The following ADGRB1 variants were observed in gnomAD, a reference collection of about 807,000 sequenced individuals.
The protein encoded by ADGRB1 is brain-specific angiogenesis inhibitor 1.
In ADGRB1, 36 loss-of-function variants were observed where a neutral mutation model predicts 175.7. That is an observed-to-expected ratio of 0.20 (90% CI 0.16 to 0.27). The LOEUF (loss-of-function observed/expected upper bound fraction) is 0.27. Among genes scored for constraint, ADGRB1 ranks in the 10% least tolerant of loss-of-function variants. The pLI is 1.00. For synonymous variants in ADGRB1, 1,054 were observed against 979.4 expected, an observed-to-expected ratio of 1.08 and a Z score of -1.42; for missense variants, 1,731 against 2,255.3, an observed-to-expected ratio of 0.77 and a Z score of 4.71.
chr8:142,520,430 T>TGTGATAATGGTGATGGTG (rs1563735942), intron 19 of ADGRB1, among the ~76,000 whole-genome samples: 4 of 17,144 alleles, frequency 2.3e-4, no homozygotes, highest in African/African-American at 7.9e-4. Context: ...GTAATGATTG[T>TGTGATAATGGTGATGGTG]ATGATGATGG....
intron 17 of ADGRB1, among the ~76,000 whole-genome samples, chr8:142,505,029 C>T (rs1563721430): frequency 8.6e-6 from 1 of 116,456 alleles, no homozygotes; most frequent in Non-Finnish European, 1.6e-5. Flanking sequence ...CGGCAGGAGG[C>T]ATCGTGAATG....
intron 4 of ADGRB1, 94 bp downstream of exon 4, chr8:142,476,789 A>G (rs1587290139): frequency 2.4e-6 from 3 of 1,230,768 alleles, no homozygotes; most frequent in Non-Finnish European, 3.4e-6. Flanking sequence ...AACTTGAATA[A>G]CATGCCATAA....
At chr8:142,490,384 A>C (rs532416427) in intron 16 of ADGRB1, among the ~76,000 whole-genome samples, 36 of 152,312 alleles carry the variant, frequency 2.4e-4, no homozygotes, top group African/African-American at 6.7e-4. Flanking sequence ...ACGTCAGAGC[A>C]GTGCAGGGTG....
rs1841882761 is a variant in ADGRB1, at chr8:142,489,503, C to T, written c.2631+65C>T. On this transcript the variant is annotated intron_variant, in intron 16 of 30. Coordinates refer to ENST00000517894, the MANE Select transcript of ADGRB1 (RefSeq NM_001702.3). ...ACGCGTGTGCGCGAATTCTGTCCCA[C>T]TCCTCAGCCACTAAGCCTTTGGGGC... 32 of 1,533,308 alleles carry T rather than the reference C, an allele frequency of 2.1e-5. 2 individuals are homozygous for T. In the Middle Eastern group the frequency reaches 5.0e-4, roughly 24 times the overall value. The allele number at this position is 1,533,308 out of a possible 1,614,324, so 95.0% of individuals were successfully genotyped here. A position where few individuals can be genotyped will look rare whatever the true frequency, so the allele number is the denominator to read the frequency against.
chr8:142,490,180 C>T (rs1331400074), intron 16 of ADGRB1, among the ~76,000 whole-genome samples: 1 of 152,200 alleles, frequency 6.6e-6, no homozygotes. Context: ...TCAGCCTCTC[C>T]GTGCCATGGT....
chr8:142,517,459 G>C lies in ADGRB1; in HGVS notation c.2818-679G>C, dbSNP rs370307701. Among the ~76,000 whole-genome samples, 383 of 152,340 alleles carry C rather than the reference G, an allele frequency of 2.5e-3. 2 individuals carry two copies. The highest frequency in any genetic ancestry group is 8.6e-3 in the African/African-American group (356 of 41,580). ...CCCATGCCGCTGTGGCGGGAGAGGA[G>C]CTCACAGGGGGCAGGGCTAGAGGTG... On this transcript the variant is annotated intron_variant, in intron 18 of 30. Transcript: ENST00000517894.
chr8:142,453,040 GC>G (rs1839452898), intron 1 of ADGRB1, among the ~76,000 whole-genome samples: 3 of 70,834 alleles, frequency 4.2e-5, no homozygotes, highest in Non-Finnish European at 5.7e-5. Flanking sequence ...CCGCCCGCCC[GC>G]CCGCTCGCTC....
At chr8:142,476,461 C>G in intron 3 of ADGRB1, 124 bp from the exon 4 acceptor site, 1 of 844,902 alleles carries the variant, frequency 1.2e-6, no homozygotes, top group Non-Finnish European at 1.9e-6. Flanking sequence ...ACTCTGGTCC[C>G]TGGCTCCCAG....
intron 1 of ADGRB1, among the ~76,000 whole-genome samples, chr8:142,459,270 A>G (rs1839844623): frequency 6.6e-6 from 1 of 152,224 alleles, no homozygotes; most frequent in African/African-American, 2.4e-5. Context: ...TTGAGGGACC[A>G]GGGCCAGGTC....
At position 142,542,533 on chromosome 8, in the gene ADGRB1, G is replaced by A. The variant is rs1360942360; in HGVS notation, c.4299G>A (p.Glu1433=). The change falls in exon 28 of 31, where the codon GAG becomes GAA. Residue 1433 remains glutamate (E), a synonymous_variant. Transcript: ENST00000517894. This position sits in a 1 kb window ranked among gnomAD's most constrained non-coding sequence, Gnocchi z 6.3. The part of the protein sequence containing the change: ...QQPLPPPPNL[E]PAPPSLGDPG... ...CCCTGCCCCCACCGCCCAATCTGGA[G>A]CCGGCACCCCCCAGCCTGGGGGATC... The A allele has an allele frequency of 3.3e-6, 5 of 1,501,532 alleles. No individual in the cohort carries two copies. In the African/African-American group the frequency reaches 4.4e-5, roughly 13 times the overall value. 93.0% of individuals were successfully genotyped at this position (1,501,532 alleles called of 1,614,324 possible).
Position 142,543,645 on chromosome 8 carries a change from C to CATGT in ADGRB1, c.4494_4495insATGT (p.Leu1499MetfsTer200). 1 of 1,570,614 alleles carries CATGT rather than the reference C, an allele frequency of 6.4e-7. No homozygotes were observed. The highest frequency in any genetic ancestry group is 8.6e-7 in the Non-Finnish European group (1 of 1,158,110). On this transcript the variant is annotated frameshift_variant, in exon 30 of 31. Transcript: ENST00000517894. LOFTEE classifies it high-confidence loss of function. The surrounding 1 kb of genome is among the most constrained non-coding windows in gnomAD (Gnocchi z 4.4). Reference sequence around the variant, plus strand: ...AGCGGCACCAAGACATGTTCCAGGACCTGAACCGGAAGCTGCAGCACGCAG... The same window carrying CATGT: ...AGCGGCACCAAGACATGTTCCAGGACATGTCTGAACCGGAAGCTGCAGCACGCAG...
intron 22 of ADGRB1, 130 bp from the exon 23 acceptor site, chr8:142,524,108 C>T (rs962794498): frequency 1.0e-4 from 102 of 1,009,038 alleles, no homozygotes; most frequent in Middle Eastern, 2.0e-4. Context: ...CCCTGCATGC[C>T]GAAGGCGCTT....
At chr8:142,500,237 C>T (rs555715412) in intron 17 of ADGRB1, among the ~76,000 whole-genome samples, 17 of 132,480 alleles carry the variant, frequency 1.3e-4, no homozygotes, top group South Asian at 1.1e-3. Context: ...GCTCCTCCAC[C>T]TCCCCACGCG....
Position 142,542,178 on chromosome 8 carries a change from C to T in ADGRB1, c.3944C>T (p.Pro1315Leu), listed in dbSNP as rs1587452904. The T allele has an allele frequency of 1.9e-6, 3 of 1,613,720 alleles. No individual in the cohort carries two copies. The highest frequency in any genetic ancestry group is 2.2e-5 in the South Asian group (2 of 91,082). ...CTGACCCTCAAGAGGGACAAGGCGCCCAAGTCCTCCTTCGTCGGTGACGGG... is the reference window on the plus strand; with the variant it reads ...CTGACCCTCAAGAGGGACAAGGCGCTCAAGTCCTCCTTCGTCGGTGACGGG... ...HSLTLKRDKA[P>L]KSSFVGDGDI... The change falls in exon 28 of 31, where the codon CCC becomes CTC. Residue 1315 changes from proline (P) to leucine (L), a missense_variant. By Grantham distance (98) the Pro-to-Leu change is moderately conservative (BLOSUM62 -3). This residue lies in a region of ADGRB1 where 394 missense variants were observed against 410.2 expected (regional missense o/e 0.96). Coordinates refer to ENST00000517894, the MANE Select transcript of ADGRB1 (RefSeq NM_001702.3). The surrounding 1 kb of genome is among the most constrained non-coding windows in gnomAD (Gnocchi z 6.3).
rs549188108 is a variant in ADGRB1, at chr8:142,456,159, G to T, written c.-220+6055G>T. ...CCCCTCCCTGTTCCCCAGCCCCAGA[G>T]AGCCTGTCCCTGTGCCCATTCCAGA... On this transcript the variant is annotated intron_variant, in intron 1 of 30. Coordinates refer to ENST00000517894, the MANE Select transcript of ADGRB1 (RefSeq NM_001702.3). Among the ~76,000 whole-genome samples the T allele has an allele frequency of 1.9e-3, 295 of 152,228 alleles. 3 individuals carry two copies. The highest frequency in any genetic ancestry group is 0.017 in the Middle Eastern group (5 of 294).
In ADGRB1 at chr8:142,524,294, C is replaced by T; in HGVS notation, c.3302C>T (p.Ala1101Val). The T allele has an allele frequency of 1.3e-6, 2 of 1,599,602 alleles. No homozygotes were observed. The highest frequency in any genetic ancestry group is 1.1e-5 in the South Asian group (1 of 89,900). Residue 1101 changes from alanine to valine, a missense_variant, in exon 23 of 31, where the codon GCC becomes GTC. Around this residue, in one of 8 missense-constraint regions of ADGRB1, gnomAD observed 301 missense variants for 488.4 expected, o/e 0.62. Transcript: ENST00000517894. ...LLYAFVGPAA[A>V]VVLVNMVIGI... ...TATGCCTTCGTGGGACCTGCCGCTG[C>T]CGTTGTGCTGGTACTGACCCGCCCA...
chr8:142,514,546 AGTT>A (rs1298209814), intron 18 of ADGRB1, among the ~76,000 whole-genome samples: 5 of 152,286 alleles, frequency 3.3e-5, no homozygotes, highest in East Asian at 1.9e-4. Flanking sequence ...TGAAAAGGAC[AGTT>A]GTTGTTGGCA....
At chr8:142,530,862 A>G (rs1364034306) in intron 24 of ADGRB1, among the ~76,000 whole-genome samples, 2 of 151,844 alleles carry the variant, frequency 1.3e-5, no homozygotes, top group South Asian at 2.1e-4. Flanking sequence ...GCAGCTGGGC[A>G]CTCCTGGCCT....
At chr8:142,472,667 TCA>T (rs1000133286) in intron 2 of ADGRB1, among the ~76,000 whole-genome samples, 1 of 152,200 alleles carries the variant, frequency 6.6e-6, no homozygotes, top group Non-Finnish European at 1.5e-5. Flanking sequence ...TACCATTTTC[TCA>T]GTGTTCATTA....
Sources: allele counts gnomAD v4.1 joint callset (sites outside exome capture counted in the v4.1 genomes callset), GRCh38; gene constraint gnomAD v4.1.1; regional missense constraint gnomAD v4.1.1; non-coding constraint Gnocchi (gnomAD v3.1); transcripts MANE v1.5; gene names NCBI Gene and HGNC (gene_info 2026-07-23, HGNC 2026-07-21).